TMTC2: variants seen among roughly 807,000 people sequenced by gnomAD.
The protein encoded by TMTC2 is transmembrane O-mannosyltransferase targeting cadherins 2.
Under a neutral mutation model 82.4 loss-of-function variants are expected in TMTC2, and 43 were observed. That is an observed-to-expected ratio of 0.52 (90% CI 0.41 to 0.67). TMTC2 has a LOEUF of 0.67. Ranked by LOEUF, TMTC2 falls within the 30% of genes least tolerant of loss-of-function variation. TMTC2 has a pLI of 0.00. For missense variants in TMTC2, 919 were observed against 1,012.4 expected (o/e 0.91, Z 1.25); for synonymous variants, 408 against 381.9 (o/e 1.07, Z -0.80).
At chr12:82,882,327 G>A (rs1488076555) in intron 2 of TMTC2, among the ~76,000 whole-genome samples, 5 of 152,088 alleles carry the variant, frequency 3.3e-5, no homozygotes, top group Non-Finnish European at 7.4e-5. Flanking sequence ...TAGCCTTCGG[G>A]TACTGTTGAT....
chr12:83,087,004 A>G (rs1348863569), intron 11 of TMTC2, among the ~76,000 whole-genome samples: 1 of 152,180 alleles, frequency 6.6e-6, no homozygotes, highest in Admixed American at 6.5e-5. Flanking sequence ...GTAGCATGCA[A>G]TGCTGTTTGA....
intron 11 of TMTC2, among the ~76,000 whole-genome samples, chr12:83,130,828 T>C (rs142722656): frequency 2.2e-4 from 34 of 152,334 alleles, no homozygotes; most frequent in Non-Finnish European, 4.1e-4. Context: ...ATTATTTCAG[T>C]ATTTCACAAA....
chr12:83,062,309 A>G (rs1327740004), intron 11 of TMTC2, among the ~76,000 whole-genome samples: 1 of 151,738 alleles, frequency 6.6e-6, no homozygotes, highest in Admixed American at 6.6e-5. Flanking sequence ...TGTTTTTATT[A>G]CAATTTTTCT....
chr12:83,068,063 C>T (rs994147546), intron 11 of TMTC2, among the ~76,000 whole-genome samples: 1 of 151,952 alleles, frequency 6.6e-6, no homozygotes, highest in Non-Finnish European at 1.5e-5. Context: ...AAAGATTAAA[C>T]TGAGAAACAT....
intron 1 of TMTC2, among the ~76,000 whole-genome samples, chr12:82,848,416 C>T (rs1870802443): frequency 1.3e-5 from 2 of 152,084 alleles, no homozygotes; most frequent in South Asian, 4.1e-4. Context: ...TTGTGTTCTC[C>T]CATACCAGTC....
intron 4 of TMTC2, among the ~76,000 whole-genome samples, chr12:82,942,890 T>C (rs1403848424): frequency 6.6e-6 from 1 of 152,242 alleles, no homozygotes. Flanking sequence ...TTGCAGGTTT[T>C]ATGCTGTTTA....
Position 83,072,981 on chromosome 12 carries a change from T to G in TMTC2, c.2331+11150T>G, listed in dbSNP as rs550985328. Among the ~76,000 whole-genome samples the G allele has an allele frequency of 3.0e-4, 45 of 152,348 alleles. 1 individual carries two copies. The highest frequency in any genetic ancestry group is 2.8e-3 in the Admixed American group (43 of 15,308). Reference sequence around the variant, plus strand: ...AAGGAGAGCATTTAGGTCATTTACATTCTATGTTAATGTTGAAATGTGAGG... The same window carrying G: ...AAGGAGAGCATTTAGGTCATTTACAGTCTATGTTAATGTTGAAATGTGAGG... On this transcript the variant is annotated intron_variant, in intron 11 of 11. Coordinates refer to ENST00000321196, the MANE Select transcript of TMTC2 (RefSeq NM_152588.3).
At chr12:82,987,368 GAGCCGAGATCATGCTACTACACTCC>G (rs1879196511) in intron 8 of TMTC2, among the ~76,000 whole-genome samples, 1 of 137,594 alleles carries the variant, frequency 7.3e-6, no homozygotes. Context: ...AGGTTGCGGT[GAGCCGAGATCATGCTACTACACTCC>G]AGCCTGGGCA....
chr12:82,704,152 TCAGATACCACAAACTTTA>T (rs1035168907), intron 1 of TMTC2, among the ~76,000 whole-genome samples: 1 of 152,206 alleles, frequency 6.6e-6, no homozygotes, highest in African/African-American at 2.4e-5. Context: ...GACAGTTTAT[TCAGATACCACAAACTTTA>T]CAGATTTAAT....
At chr12:82,827,352 T>C (rs1869472158) in intron 1 of TMTC2, among the ~76,000 whole-genome samples, 1 of 152,044 alleles carries the variant, frequency 6.6e-6, no homozygotes, top group South Asian at 2.1e-4. Flanking sequence ...TTGAGGAAAA[T>C]TGGACTTGAA....
chr12:82,900,765 T>G (rs186222350), intron 3 of TMTC2, among the ~76,000 whole-genome samples: 2,274 of 129,846 alleles, frequency 0.018, 96 homozygotes, highest in African/African-American at 0.062. Context: ...GGAATATATA[T>G]AGAGAGGTAT....
chr12:82,784,459 G>A (rs368097184), intron 1 of TMTC2, among the ~76,000 whole-genome samples: 3 of 152,000 alleles, frequency 2.0e-5, no homozygotes. Flanking sequence ...TACTATGATC[G>A]CACGGCCTGA....
intron 1 of TMTC2, among the ~76,000 whole-genome samples, chr12:82,798,807 C>CAAAAAAAAAA (rs544522111): frequency 6.8e-5 from 6 of 88,368 alleles, no homozygotes; most frequent in East Asian, 3.3e-4. Context: ...AACTCCGTCT[C>CAAAAAAAAAA]AAAAAAAAAA....
At chr12:82,805,521 T>G (rs986989149) in intron 1 of TMTC2, among the ~76,000 whole-genome samples, 3 of 129,720 alleles carry the variant, frequency 2.3e-5, no homozygotes, top group African/African-American at 8.4e-5. Context: ...TTTTTTTTTT[T>G]TTTTGAGACA....
chr12:82,970,478 C>T (rs1200023), intron 7 of TMTC2, among the ~76,000 whole-genome samples: 10,190 of 138,050 alleles, frequency 0.074, 528 homozygotes, highest in African/African-American at 0.13. Context: ...ACTACAGGCG[C>T]CCGCCACCGC....
At chr12:82,760,682 C>T (rs1193958583) in intron 1 of TMTC2, among the ~76,000 whole-genome samples, 1 of 152,050 alleles carries the variant, frequency 6.6e-6, no homozygotes, top group Admixed American at 6.5e-5. Flanking sequence ...GAAACTTCAT[C>T]TGTATTTACA....
intron 2 of TMTC2, among the ~76,000 whole-genome samples, chr12:82,863,241 C>G (rs1340228352): frequency 6.6e-6 from 1 of 152,144 alleles, no homozygotes; most frequent in Non-Finnish European, 1.5e-5. Flanking sequence ...CTGTGCCACT[C>G]TCCTCCAAGT....
intron 4 of TMTC2, among the ~76,000 whole-genome samples, chr12:82,939,276 G>A (rs1041423539): frequency 5.3e-5 from 8 of 151,848 alleles, no homozygotes; most frequent in Non-Finnish European, 1.0e-4. Flanking sequence ...TTATGTGTAA[G>A]CACACAAACC....
At chr12:82,808,873 G>A (rs2137046707) in intron 1 of TMTC2, among the ~76,000 whole-genome samples, 1 of 151,758 alleles carries the variant, frequency 6.6e-6, no homozygotes, top group Middle Eastern at 3.4e-3. Flanking sequence ...GTATAAATTT[G>A]TATTGGCCAA....
Sources: allele counts gnomAD v4.1 joint callset (sites outside exome capture counted in the v4.1 genomes callset), GRCh38; gene constraint gnomAD v4.1.1; transcripts MANE v1.5; gene names NCBI Gene and HGNC (gene_info 2026-07-23, HGNC 2026-07-21).